Variants in FIG4 observed in about 807,000 individuals in gnomAD.
FIG4 encodes the protein FIG4 phosphoinositide 5-phosphatase.
FIG4 carries 112 observed loss-of-function variants against 118.6 expected under a neutral mutation model. The ratio of observed to expected loss-of-function variants is 0.94; its 90% confidence interval spans 0.81 to 1.11. The LOEUF (loss-of-function observed/expected upper bound fraction) is 1.11, where lower values mean the gene tolerates loss of function less well. Among genes scored for constraint, FIG4 ranks in the 50% least tolerant of loss-of-function variants. The pLI, the probability that FIG4 is intolerant of heterozygous loss-of-function variation, is 0.00. For synonymous variants in FIG4, 369 were observed against 381.2 expected (o/e 0.97, Z 0.37); for missense variants, 969 against 1,111.7 (o/e 0.87, Z 1.83).
intron 10 of FIG4, among the ~76,000 whole-genome samples, chr6:109,754,118 A>G (rs908143802): frequency 1.6e-4 from 25 of 152,330 alleles, no homozygotes; most frequent in Middle Eastern, 3.4e-3. Context: ...TGTCCCATCA[A>G]TACCTAATTT....
At chr6:109,816,187 C>T (rs937677211) in intron 22 of FIG4, among the ~76,000 whole-genome samples, 7 of 152,214 alleles carry the variant, frequency 4.6e-5, no homozygotes, top group East Asian at 1.9e-4. Flanking sequence ...CCTCAGTAGC[C>T]GATGGAACAT....
intron 21 of FIG4, among the ~76,000 whole-genome samples, chr6:109,795,148 C>T (rs549845213): frequency 2.0e-4 from 20 of 102,254 alleles, no homozygotes; most frequent in East Asian, 6.0e-4. Flanking sequence ...GACGGAGTCT[C>T]GCTCTGTCGC....
In FIG4 at chr6:109,784,989, C is replaced by G. The variant is rs763137911; in HGVS notation, c.1909C>G (p.Pro637Ala). Residue 637 changes from proline (P) to alanine (A), a missense_variant, in exon 17 of 23, where the codon CCA (proline) becomes GCA (alanine). Around this residue, in one of 3 missense-constraint regions of FIG4, gnomAD observed 330 missense variants for 348.1 expected, o/e 0.95. Coordinates refer to ENST00000230124, the MANE Select transcript of FIG4 (RefSeq NM_014845.6). ...TTATAGTTATACTTACTGGTGGACA[C>G]CAGAGGTGATAAAGCATTTACCATT... ...TRRSYTYWWT[P>A]EVIKHLPLPY... 4 of 1,564,640 alleles carry G rather than the reference C, an allele frequency of 2.6e-6. No individual in the cohort carries two copies. Among genetic ancestry groups the G allele is most frequent in the Non-Finnish European group, 3.5e-6 (4 of 1,136,260 alleles).
intron 13 of FIG4, 29 bp downstream of exon 13, chr6:109,764,011 A>G: frequency 5.5e-6 from 8 of 1,466,568 alleles, no homozygotes; most frequent in Non-Finnish European, 7.7e-6. Context: ...TTCGTAATGA[A>G]TAGAATCTGT....
intron 22 of FIG4, among the ~76,000 whole-genome samples, chr6:109,803,522 A>G (rs984878803): frequency 2.0e-5 from 3 of 152,276 alleles, no homozygotes; most frequent in Admixed American, 2.0e-4. Context: ...ACCTAAGATG[A>G]TATGTCTGGG....
At chr6:109,713,332 G>A (rs1267376591) in intron 1 of FIG4, among the ~76,000 whole-genome samples, 2 of 152,204 alleles carry the variant, frequency 1.3e-5, no homozygotes, top group Non-Finnish European at 2.9e-5. Flanking sequence ...AGGCCCTGCT[G>A]GTGACTGTGC....
chr6:109,753,189 G>A (rs955722394), intron 10 of FIG4, among the ~76,000 whole-genome samples: 2 of 152,014 alleles, frequency 1.3e-5, no homozygotes, highest in Admixed American at 1.3e-4. Flanking sequence ...TACTAACCAG[G>A]CCCGACCCTG....
intron 22 of FIG4, among the ~76,000 whole-genome samples, chr6:109,804,883 C>G (rs1271454539): frequency 6.6e-6 from 1 of 152,140 alleles, no homozygotes; most frequent in East Asian, 1.9e-4. Context: ...CAAGGCCCAT[C>G]TGTCTTTGTA....
intron 10 of FIG4, among the ~76,000 whole-genome samples, chr6:109,759,695 C>G (rs1275136736): frequency 6.6e-6 from 1 of 152,210 alleles, no homozygotes; most frequent in African/African-American, 2.4e-5. Flanking sequence ...AGGTTTAGTT[C>G]CATGAATGCC....
chr6:109,694,616 A>G (rs1363046003), intron 1 of FIG4, among the ~76,000 whole-genome samples: 2 of 152,232 alleles, frequency 1.3e-5, no homozygotes, highest in Non-Finnish European at 2.9e-5. Flanking sequence ...TAGCTTCTGC[A>G]CAGCAAAAGA....
At position 109,789,567 on chromosome 6, in the gene FIG4, T is replaced by C. The variant is rs202212773; in HGVS notation, c.2097-27T>C. 11 of 1,517,202 alleles carry C rather than the reference T, an allele frequency of 7.3e-6. No individual in the cohort carries two copies. The East Asian group carries it at 2.0e-4, about 28-fold the overall frequency. 94.0% of individuals were successfully genotyped at this position (1,517,202 alleles called of 1,614,324 possible). A position where few individuals can be genotyped will look rare whatever the true frequency, so the allele number is the denominator to read the frequency against. Reference sequence around the variant, plus strand: ...TCATCTGGATGGACAGTAATTCATATGTAATTGTGTTTTCACCTTTCTTTA... The same window carrying C: ...TCATCTGGATGGACAGTAATTCATACGTAATTGTGTTTTCACCTTTCTTTA... On this transcript the variant is annotated intron_variant, in intron 18 of 22. Coordinates refer to ENST00000230124, the MANE Select transcript of FIG4 (RefSeq NM_014845.6).
Position 109,792,019 on chromosome 6 carries a change from G to A in FIG4, c.2376+448G>A, listed in dbSNP as rs566683083. On this transcript the variant is annotated intron_variant, in intron 20 of 22. Coordinates refer to ENST00000230124, the MANE Select transcript of FIG4 (RefSeq NM_014845.6). ...AACAAAAGGACCAACTCTAGCTTTG[G>A]GGAAATTTGATTTCTAGAAATATCC... Among the ~76,000 whole-genome samples, 408 of 152,282 alleles carry A rather than the reference G, an allele frequency of 2.7e-3. 2 individuals carry two copies. The highest frequency in any genetic ancestry group is 4.8e-3 in the Non-Finnish European group (329 of 68,024).
chr6:109,745,152 T>C (rs931918001), intron 10 of FIG4, among the ~76,000 whole-genome samples: 3 of 152,210 alleles, frequency 2.0e-5, no homozygotes, highest in African/African-American at 4.8e-5. Flanking sequence ...TTTGGGTATA[T>C]ACCCAGTAAT....
chr6:109,771,991 A>T (rs1313273186), intron 15 of FIG4, among the ~76,000 whole-genome samples: 2 of 152,136 alleles, frequency 1.3e-5, no homozygotes, highest in Non-Finnish European at 2.9e-5. Context: ...TTCTGCTCTC[A>T]TGAGCAAAAC....
At position 109,763,936 on chromosome 6, in the gene FIG4, G is replaced by T; in HGVS notation, c.1389-1G>T. ...TTAAAAGTGTTTATTTTTAAACACA[G>T]GTGGAATGAACTAGGAGGATGTGTG... On this transcript the variant is annotated splice_acceptor_variant, in intron 12 of 22. Coordinates refer to ENST00000230124, the MANE Select transcript of FIG4 (RefSeq NM_014845.6). LOFTEE classifies it high-confidence loss of function. 1 of 1,606,284 alleles carries T rather than the reference G, an allele frequency of 6.2e-7. No individual in the cohort carries two copies.
Position 109,764,002 on chromosome 6 carries a change from TC to T in FIG4, c.1434+21del, listed in dbSNP as rs749339172. The T allele has an allele frequency of 2.8e-5, 43 of 1,518,922 alleles. No homozygotes were observed. The Admixed American group carries it at 7.2e-4, about 25-fold the overall frequency. 94.1% of individuals were successfully genotyped at this position (1,518,922 alleles called of 1,614,324 possible). A position where few individuals can be genotyped will look rare whatever the true frequency, so the allele number is the denominator to read the frequency against. On this transcript the variant is annotated intron_variant, in intron 13 of 22. Coordinates refer to ENST00000230124, the MANE Select transcript of FIG4 (RefSeq NM_014845.6). ...CTGCAGGTATACACAGTATTACAATTCGTAATGAATAGAATCTGTATCCATT... is the reference window on the plus strand; with the variant it reads ...CTGCAGGTATACACAGTATTACAATTGTAATGAATAGAATCTGTATCCATT...
Position 109,801,098 on chromosome 6 carries a change from T to C in FIG4, c.2546+4247T>C, listed in dbSNP as rs374255311. ...TTGAAAAGGCATGAACACATATCAT[T>C]AGTGCTTGCTTTTCTATGGTTCACC... is the stretch of plus-strand genomic sequence containing the variant. On this transcript the variant is annotated intron_variant, in intron 22 of 22. Transcript: ENST00000230124. Among the ~76,000 whole-genome samples the C allele has an allele frequency of 7.9e-5, 12 of 152,364 alleles. No individual in the cohort carries two copies. The East Asian group carries it at 1.7e-3, about 22-fold the overall frequency.
chr6:109,743,446 T>G, intron 9 of FIG4, 174 bp downstream of exon 9: 1 of 680,640 alleles, frequency 1.5e-6, no homozygotes, highest in South Asian at 1.8e-5. Context: ...ATGTTTAATT[T>G]TGACTGTTAA....
intron 22 of FIG4, among the ~76,000 whole-genome samples, chr6:109,819,295 C>A (rs1337984531): frequency 6.6e-6 from 1 of 152,146 alleles, no homozygotes; most frequent in Admixed American, 6.5e-5. Flanking sequence ...GGTAAAGGCA[C>A]CTTGCTCAGA....
Sources: gnomAD v4.1 joint callset for allele counts (sites outside exome capture counted in the v4.1 genomes callset) on GRCh38, gnomAD v4.1.1 for gene constraint, gnomAD v4.1.1 regional missense constraint, MANE v1.5 for transcripts, NCBI Gene and HGNC (gene_info 2026-07-23, HGNC 2026-07-21) for gene names.